Variants in CYP4F3 observed in about 807,000 individuals in gnomAD.
CYP4F3 encodes cytochrome P450 family 4 subfamily F member 3, also known as cytochrome P450 4F3.
A neutral mutation model predicts 54.8 loss-of-function variants in CYP4F3; 50 were observed. The ratio of observed to expected loss-of-function variants is 0.91; its 90% CI spans 0.73 to 1.16. CYP4F3 has a LOEUF of 1.16. CYP4F3 is among the 50% of genes most tolerant of loss of function. CYP4F3 has a pLI of 0.00. For synonymous variants in CYP4F3, 244 were observed against 262.6 expected (o/e 0.93, Z 0.69); for missense variants, 715 against 676.2 (o/e 1.06, Z -0.64).
chr19:15,657,969 G>A (rs899840014), intron 9 of CYP4F3, among the ~76,000 whole-genome samples: 2 of 152,044 alleles, frequency 1.3e-5, no homozygotes, highest in East Asian at 3.9e-4. Context: ...TTTCACAGCT[G>A]TAAAATCCAT....
chr19:15,649,934 C>G lies in CYP4F3; in HGVS notation c.669C>G (p.Ala223=). ...HCQEKPSEYI[A]AILELSALVT... ...GCAGGAAGCCCAGTGAATATATTGCCGCCATCTTGGAGCTCAGTGCCCTTG... is the reference window on the plus strand; with the variant it reads ...GCAGGAAGCCCAGTGAATATATTGCGGCCATCTTGGAGCTCAGTGCCCTTG... The change falls in exon 7 of 13, where the codon GCC becomes GCG. Residue 223 remains alanine (A), a synonymous_variant. Coordinates refer to ENST00000221307, the MANE Select transcript of CYP4F3 (RefSeq NM_000896.3). The G allele has an allele frequency of 1.2e-6, 2 of 1,613,966 alleles. No individual in the cohort carries two copies. The highest frequency in any genetic ancestry group is 1.7e-5 in the Admixed American group (1 of 59,996).
At position 15,661,620 on chromosome 19, in the gene CYP4F3, T is replaced by C. The variant is rs910982176; in HGVS notation, c.*2235T>C. ...TTTCCTTCGGTTGTTTGCCTTCTTA[T>C]TGTTGGATTTTGAGAGTTCTATGTA... On this transcript the variant is annotated 3_prime_UTR_variant, in exon 13 of 13. Transcript: ENST00000221307. 1 of 152,232 alleles carries C rather than the reference T, an allele frequency of 6.6e-6. No individual in the cohort carries two copies. Among genetic ancestry groups the C allele is most frequent in the African/African-American group, 2.4e-5 (1 of 41,466 alleles). The allele number at this position is 152,232 out of a possible 1,614,324, so 9.4% of individuals were successfully genotyped here.
intron 7 of CYP4F3, among the ~76,000 whole-genome samples, chr19:15,651,793 T>C (rs2683034): frequency 0.21 from 31,922 of 152,168 alleles, 3,663 homozygotes; most frequent in Middle Eastern, 0.27. Flanking sequence ...CTATGACTTT[T>C]TCCATGTGTT....
At chr19:15,642,681 CT>C (rs1332622735) in intron 2 of CYP4F3, among the ~76,000 whole-genome samples, 1 of 152,182 alleles carries the variant, frequency 6.6e-6, no homozygotes, top group Non-Finnish European at 1.5e-5. Flanking sequence ...TTGGGATGCG[CT>C]CTTGGGACTT....
intron 2 of CYP4F3, among the ~76,000 whole-genome samples, chr19:15,645,234 G>T (rs8100943): frequency 0.013 from 1,903 of 152,220 alleles, 39 homozygotes; most frequent in African/African-American, 0.043. Context: ...ACTTCTCCTG[G>T]CCTGGATCAC....
chr19:15,650,870 T>TTTCTTTCTTTCTC (rs1972832240), intron 7 of CYP4F3, among the ~76,000 whole-genome samples: 2 of 39,494 alleles, frequency 5.1e-5, no homozygotes, highest in Admixed American at 3.3e-4. Context: ...TTCTTTCTTT[T>TTTCTTTCTTTCTC]TCTCTCTCTC....
intron 5 of CYP4F3, 97 bp downstream of exon 5, chr19:15,647,421 G>A: frequency 6.4e-7 from 1 of 1,557,262 alleles, no homozygotes; most frequent in African/African-American, 1.4e-5. Flanking sequence ...GGGTGCCTCT[G>A]GGCCATTGTC....
rs1568406494 is a variant in CYP4F3 at position 15,661,303 on chromosome 19, A to AAAC, written c.*1918_*1919insAAC. 2 of 151,324 alleles carry AAAC rather than the reference A, an allele frequency of 1.3e-5. No individual in the cohort carries two copies. Among genetic ancestry groups the AAAC allele is most frequent in the African/African-American group, 4.9e-5 (2 of 41,000 alleles). 9.4% of individuals were successfully genotyped at this position (151,324 alleles called of 1,614,324 possible). A position where few individuals can be genotyped will look rare whatever the true frequency, so the allele number is the denominator to read the frequency against. ...CAAAACAAAACAAAACAAAACAAAAACAAAACAAAACAAAACAAAACACTG... is the reference window on the plus strand; with the variant it reads ...CAAAACAAAACAAAACAAAACAAAAAAACCAAAACAAAACAAAACAAAACACTG... On this transcript the variant is annotated 3_prime_UTR_variant, in exon 13 of 13. Transcript: ENST00000221307.
rs116655048 is a variant in CYP4F3 at position 15,644,134 on chromosome 19, C to T, written c.199-1585C>T. On this transcript the variant is annotated intron_variant, in intron 2 of 12. Transcript: ENST00000221307. ...CTCTATCCCCAAGCCGTGTGTGGCC[C>T]CTGCAGTACTCTGGTCTCTCCTTTC... The T allele has an allele frequency of 1.2e-4, 165 of 1,414,884 alleles. No individual in the cohort carries two copies. In the African/African-American group the frequency reaches 2.2e-3, roughly 19 times the overall value. 87.6% of individuals were successfully genotyped at this position (1,414,884 alleles called of 1,614,324 possible).
At position 15,662,270 on chromosome 19, in the gene CYP4F3, C is replaced by CAAAAAAAAAA. The variant is rs1568406872; in HGVS notation, c.*2885_*2886insAAAAAAAAAA. ...TGGGTGAAAGAGCTAGATTCTCTCT[C>CAAAAAAAAAA]TCAAAAAAAAAAAAAAAAAAAAGGA... On this transcript the variant is annotated 3_prime_UTR_variant, in exon 13 of 13. Coordinates refer to ENST00000221307, the MANE Select transcript of CYP4F3 (RefSeq NM_000896.3). 1 of 50,312 alleles carries CAAAAAAAAAA rather than the reference C, an allele frequency of 2.0e-5. No homozygotes were observed. Among genetic ancestry groups the CAAAAAAAAAA allele is most frequent in the Non-Finnish European group, 2.9e-5 (1 of 34,322 alleles). 3.1% of individuals were successfully genotyped at this position (50,312 alleles called of 1,614,324 possible).
chr19:15,658,635 C>T, intron 11 of CYP4F3, 80 bp downstream of exon 11: 3 of 1,608,280 alleles, frequency 1.9e-6, no homozygotes, highest in East Asian at 2.2e-5. Context: ...GAGAATCCAA[C>T]ATCACCTCCC....
intron 5 of CYP4F3, among the ~76,000 whole-genome samples, chr19:15,647,912 G>A (rs762617612): frequency 6.6e-6 from 1 of 152,128 alleles, no homozygotes; most frequent in Admixed American, 6.5e-5. Flanking sequence ...TACAGATAGG[G>A]TTCCAGGGAA....
In CYP4F3 at chr19:15,650,814, CTT is replaced by C. The variant is rs1491182244; in HGVS notation, c.918+633_918+634del. Among the ~76,000 whole-genome samples, 12 of 36,538 alleles carry C rather than the reference CTT, an allele frequency of 3.3e-4. 2 individuals carry two copies. The highest frequency in any genetic ancestry group is 4.7e-4 in the African/African-American group (3 of 6,398). 24.0% of individuals were successfully genotyped at this position (36,538 alleles called of 152,430 possible). A position where few individuals can be genotyped will look rare whatever the true frequency, so the allele number is the denominator to read the frequency against. ...TTCTTTCTTTCTCTCTCTTCTCTTT[CTT>C]TCTTTCTTTCTTTCTTTCTTTCTTT... On this transcript the variant is annotated intron_variant, in intron 7 of 12. Coordinates refer to ENST00000221307, the MANE Select transcript of CYP4F3 (RefSeq NM_000896.3).
chr19:15,653,075 A>C, intron 9 of CYP4F3, 123 bp downstream of exon 9: 1 of 1,399,836 alleles, frequency 7.1e-7, no homozygotes, highest in Non-Finnish European at 9.5e-7. Flanking sequence ...GAATAGGAGC[A>C]GAGGACCACA....
chr19:15,653,542 G>C (rs1972923767), intron 9 of CYP4F3, among the ~76,000 whole-genome samples: 1 of 152,152 alleles, frequency 6.6e-6, no homozygotes, highest in Non-Finnish European at 1.5e-5. Context: ...TGGGGGAACT[G>C]TCCCTGGGCA....
chr19:15,649,122 A>G (rs1972710088), intron 5 of CYP4F3, 38 bp from the exon 6 acceptor site: 1 of 1,611,310 alleles, frequency 6.2e-7, no homozygotes, highest in Non-Finnish European at 8.5e-7. Flanking sequence ...TCAAGGGAGC[A>G]AGGGACCTGC....
In CYP4F3 at chr19:15,662,418, G is replaced by A. The variant is rs1455128264; in HGVS notation, c.*3033G>A. 1 of 151,882 alleles carries A rather than the reference G, an allele frequency of 6.6e-6. No individual in the cohort carries two copies. Among genetic ancestry groups the A allele is most frequent in the Non-Finnish European group, 1.5e-5 (1 of 67,998 alleles). 9.4% of individuals were successfully genotyped at this position (151,882 alleles called of 1,614,324 possible). A position where few individuals can be genotyped will look rare whatever the true frequency, so the allele number is the denominator to read the frequency against. ...GGATTTTCTATTCTATTCCATGTTG[G>A]ACCAATACCACACTGCCCTAGTCAC... On this transcript the variant is annotated 3_prime_UTR_variant, in exon 13 of 13. Transcript: ENST00000221307.
Position 15,657,907 on chromosome 19 carries a change from T to G in CYP4F3, c.1116-357T>G, listed in dbSNP as rs542458783. 3.9e-5 allele frequency among the ~76,000 whole-genome samples: 6 copies of G among 152,320 alleles called. No individual in the cohort carries two copies. In the South Asian group the frequency reaches 1.2e-3, roughly 32 times the overall value. ...TTGCAAAATATTGCCTTTTAACTTT[T>G]GGAGGGTACTTTTGATTAATTTTTA... On this transcript the variant is annotated intron_variant, in intron 9 of 12. Transcript: ENST00000221307.
rs1972444050 is a variant in CYP4F3, at chr19:15,640,904, G to A, written c.-43G>A. 6.5e-6 allele frequency: 1 copy of A among 154,176 alleles called. No individual in the cohort carries two copies. The highest frequency in any genetic ancestry group is 1.4e-5 in the Non-Finnish European group (1 of 69,174). 9.6% of individuals were successfully genotyped at this position (154,176 alleles called of 1,614,324 possible). A position where few individuals can be genotyped will look rare whatever the true frequency, so the allele number is the denominator to read the frequency against. The stretch of plus-strand genomic sequence containing the variant: ...CAGGGGAAAAAACCTCCCAGAAGAA[G>A]GGGAGAGGAGGTTGTGTGGGACAAG... On this transcript the variant is annotated 5_prime_UTR_variant, in exon 1 of 13. Coordinates refer to ENST00000221307, the MANE Select transcript of CYP4F3 (RefSeq NM_000896.3).
Sources: gnomAD v4.1 joint callset for allele counts (sites outside exome capture counted in the v4.1 genomes callset) on GRCh38, gnomAD v4.1.1 for gene constraint, MANE v1.5 for transcripts, NCBI Gene and HGNC (gene_info 2026-07-23, HGNC 2026-07-21) for gene names.